The following MCTP1 variants were observed in gnomAD, a reference collection of about 807,000 sequenced individuals.
MCTP1 encodes multiple C2 and transmembrane domain containing 1, also known as multiple C2 and transmembrane domain-containing protein 1.
MCTP1 carries 69 observed loss-of-function variants against 120.6 expected under a neutral mutation model. That is an observed-to-expected ratio of 0.57 (90% CI 0.47 to 0.70). The LOEUF is 0.70. Ranked by LOEUF, MCTP1 falls within the 30% of genes least tolerant of loss-of-function variation. The probability of loss-of-function intolerance (pLI) is 0.00; values close to 1 mark genes in which losing one functional copy is unlikely to be tolerated. For missense variants in MCTP1, 1,203 were observed against 1,248.8 expected (o/e 0.96, Z 0.55); for synonymous variants, 529 against 493.1 (o/e 1.07, Z -0.96).
At chr5:94,946,134 C>T (rs528738817) in intron 3 of MCTP1, among the ~76,000 whole-genome samples, 1 of 152,150 alleles carries the variant, frequency 6.6e-6, no homozygotes, top group African/African-American at 2.4e-5. Flanking sequence ...GTAAATGATA[C>T]AGCCTAATCC....
intron 1 of MCTP1, among the ~76,000 whole-genome samples, chr5:95,188,288 C>T (rs1342490007): frequency 6.6e-6 from 1 of 152,160 alleles, no homozygotes; most frequent in Non-Finnish European, 1.5e-5. Context: ...GAAGTTGGCT[C>T]ACCGGTGCAA....
At chr5:94,827,674 T>C (rs1787504808) in intron 17 of MCTP1, among the ~76,000 whole-genome samples, 1 of 152,064 alleles carries the variant, frequency 6.6e-6, no homozygotes, top group Non-Finnish European at 1.5e-5. Flanking sequence ...CTTTTCATTC[T>C]TTTTTCTCTA....
At chr5:95,261,853 A>G (rs1264062099) in intron 1 of MCTP1, among the ~76,000 whole-genome samples, 1 of 152,256 alleles carries the variant, frequency 6.6e-6, no homozygotes, top group African/African-American at 2.4e-5. Context: ...TAAGGAATCA[A>G]GATTGGACAG....
At chr5:94,758,386 C>T (rs1186398364) in intron 19 of MCTP1, among the ~76,000 whole-genome samples, 3 of 152,186 alleles carry the variant, frequency 2.0e-5, no homozygotes, top group Non-Finnish European at 4.4e-5. Context: ...TTCAAGGCTG[C>T]AGTGAGCTAT....
In MCTP1 at chr5:95,283,839, G is replaced by A. The variant is rs780323876; in HGVS notation, c.720+17C>T. On this transcript the variant is annotated intron_variant, in intron 1 of 22. Transcript: ENST00000515393. ...GGTCCCGCGCACCTTGTCTCCGGCCGCGCCACCGGCACTCACCTGGCTGCT... is the reference window on the plus strand; with the variant it reads ...GGTCCCGCGCACCTTGTCTCCGGCCACGCCACCGGCACTCACCTGGCTGCT... 8.4e-7 allele frequency: 1 copy of A among 1,185,434 alleles called. No individual in the cohort carries two copies. The highest frequency in any genetic ancestry group is 1.0e-6 in the Non-Finnish European group (1 of 983,164). The allele number at this position is 1,185,434 out of a possible 1,614,324, so 73.4% of individuals were successfully genotyped here.
intron 2 of MCTP1, among the ~76,000 whole-genome samples, chr5:94,965,661 T>C (rs1020730317): frequency 5.3e-5 from 8 of 152,220 alleles, no homozygotes; most frequent in African/African-American, 1.7e-4. Context: ...TACAGAGTAC[T>C]ATCAAATACA....
chr5:95,048,358 A>C (rs1330827645), intron 1 of MCTP1, among the ~76,000 whole-genome samples: 3 of 152,190 alleles, frequency 2.0e-5, no homozygotes, highest in Non-Finnish European at 4.4e-5. Flanking sequence ...AGAGAAACAG[A>C]GGATTATAAT....
chr5:94,870,725 G>T, intron 15 of MCTP1, 147 bp downstream of exon 15: 1 of 685,762 alleles, frequency 1.5e-6, no homozygotes, highest in Non-Finnish European at 2.5e-6. Context: ...GTGTGGGTGT[G>T]CCAGGCAGTG....
chr5:94,778,170 G>A (rs1775822436), intron 19 of MCTP1, among the ~76,000 whole-genome samples: 1 of 151,762 alleles, frequency 6.6e-6, no homozygotes, highest in Admixed American at 6.6e-5. Context: ...AAAATATACT[G>A]TTTTCCTCCT....
chr5:94,972,681 CAGA>C (rs1185369814), intron 2 of MCTP1, among the ~76,000 whole-genome samples: 1 of 152,032 alleles, frequency 6.6e-6, no homozygotes, highest in Non-Finnish European at 1.5e-5. Context: ...CTCTTGTTAC[CAGA>C]AGCTTAGTTT....
intron 1 of MCTP1, among the ~76,000 whole-genome samples, chr5:95,112,011 T>C (rs1757492391): frequency 6.6e-6 from 1 of 152,162 alleles, no homozygotes. Flanking sequence ...CAGCATATAA[T>C]GCAGTGCCAC....
chr5:95,007,130 GA>G (rs1033269335), intron 2 of MCTP1, among the ~76,000 whole-genome samples: 4 of 152,142 alleles, frequency 2.6e-5, no homozygotes, highest in African/African-American at 9.7e-5. Context: ...AAAAAGGGGG[GA>G]AAAGCCCCTT....
chr5:95,167,097 T>A (rs1305817225), intron 1 of MCTP1, among the ~76,000 whole-genome samples: 1 of 152,068 alleles, frequency 6.6e-6, no homozygotes, highest in Non-Finnish European at 1.5e-5. Flanking sequence ...CCCCAGTGTG[T>A]GATGTTGCCC....
At chr5:95,242,657 T>A (rs1756299515) in intron 1 of MCTP1, among the ~76,000 whole-genome samples, 1 of 152,182 alleles carries the variant, frequency 6.6e-6, no homozygotes, top group Non-Finnish European at 1.5e-5. Flanking sequence ...GGACGTATAC[T>A]TTTTCATCTC....
chr5:95,015,262 T>C (rs972347026), intron 2 of MCTP1, among the ~76,000 whole-genome samples: 1 of 152,078 alleles, frequency 6.6e-6, no homozygotes, highest in African/African-American at 2.4e-5. Context: ...ATAATTCAAA[T>C]ACCCTTTTTC....
At chr5:94,932,012 T>A in intron 5 of MCTP1, 21 bp from the exon 6 acceptor site, 2 of 1,544,840 alleles carry the variant, frequency 1.3e-6, no homozygotes, top group Non-Finnish European at 1.8e-6. Flanking sequence ...AATAAAGCAT[T>A]TTCATTATCT....
chr5:94,747,246 G>C (rs1374619435), intron 19 of MCTP1, among the ~76,000 whole-genome samples: 1 of 152,096 alleles, frequency 6.6e-6, no homozygotes, highest in African/African-American at 2.4e-5. Flanking sequence ...TCTGACAATG[G>C]TCATGCTCAC....
At chr5:95,027,966 A>C (rs1839581437) in intron 1 of MCTP1, among the ~76,000 whole-genome samples, 1 of 152,208 alleles carries the variant, frequency 6.6e-6, no homozygotes, top group Non-Finnish European at 1.5e-5. Context: ...AAATCACTTC[A>C]TGCATCCACC....
intron 8 of MCTP1, among the ~76,000 whole-genome samples, chr5:94,913,762 G>C (rs1383937311): frequency 6.6e-6 from 1 of 151,340 alleles, no homozygotes; most frequent in Non-Finnish European, 1.5e-5. Context: ...TGGAGTGCAG[G>C]GGTATGGTCA....
Sources: allele counts gnomAD v4.1 joint callset (sites outside exome capture counted in the v4.1 genomes callset), GRCh38; gene constraint gnomAD v4.1.1; transcripts MANE v1.5; gene names NCBI Gene and HGNC (gene_info 2026-07-23, HGNC 2026-07-21).